The following MTHFS variants were observed in gnomAD, a reference collection of about 807,000 sequenced individuals.
The protein encoded by MTHFS is methenyltetrahydrofolate synthetase, also known as 5-formyltetrahydrofolate cyclo-ligase.
Under a neutral mutation model 12.7 loss-of-function variants are expected in MTHFS, and 7 were observed. The observed-to-expected ratio is 0.55, with a 90% confidence interval of 0.31 to 1.03. MTHFS has a LOEUF of 1.03. Among genes scored for constraint, MTHFS ranks in the 50% least tolerant of loss-of-function variants. MTHFS has a pLI of 0.05. For synonymous variants in MTHFS, 100 were observed against 97.1 expected, an observed-to-expected ratio of 1.03 and a Z score of -0.18; for missense variants, 252 against 258.1, an observed-to-expected ratio of 0.98 and a Z score of 0.16.
intron 2 of MTHFS, among the ~76,000 whole-genome samples, chr15:79,869,291 G>C (rs758631530): frequency 1.1e-4 from 17 of 152,166 alleles, no homozygotes; most frequent in Non-Finnish European, 1.5e-4. Context: ...CCAGTCTGAA[G>C]AATCAGTGCA....
intron 2 of MTHFS, among the ~76,000 whole-genome samples, chr15:79,875,240 G>A (rs28857207): frequency 0.041 from 6,208 of 150,528 alleles, 370 homozygotes; most frequent in East Asian, 0.26. Context: ...CGGTCCCTCC[G>A]TTCAGGGTCC....
At chr15:79,884,742 A>C (rs750179878) in intron 2 of MTHFS, among the ~76,000 whole-genome samples, 5 of 152,260 alleles carry the variant, frequency 3.3e-5, no homozygotes, top group African/African-American at 4.8e-5. Flanking sequence ...CATGCTGAAA[A>C]TAAGGAACAG....
In MTHFS at chr15:79,851,110, C is replaced by G. The variant is rs138761465; in HGVS notation, c.380-5668G>C. ...TCCTATCTGCACACCTTTGCTCCTG[C>G]GACATTGTTTTTCATTCCTGTAAGG... On this transcript the variant is annotated intron_variant, in intron 2 of 2. Transcript: ENST00000258874. Among the ~76,000 whole-genome samples the G allele has an allele frequency of 2.8e-3, 426 of 152,228 alleles. 4 individuals are homozygous for G. The East Asian group carries it at 0.035, about 12-fold the overall frequency.
chr15:79,891,214 T>C (rs2034466610), intron 1 of MTHFS, among the ~76,000 whole-genome samples: 3 of 152,164 alleles, frequency 2.0e-5, no homozygotes, highest in Admixed American at 6.5e-5. Context: ...ACTCCTCCCT[T>C]GAAATCCCAA....
Position 79,860,297 on chromosome 15 carries a change from G to A in MTHFS, c.380-14855C>T, listed in dbSNP as rs1292260643. Among the ~76,000 whole-genome samples, 5 of 151,690 alleles carry A rather than the reference G, an allele frequency of 3.3e-5. No homozygotes were observed. In the East Asian group the frequency reaches 9.7e-4, roughly 29 times the overall value. ...TCAGCTACTCGGGAGGCTGAGGCAG[G>A]AGAATGGCGTGAACCCAGGAGGCAG... On this transcript the variant is annotated intron_variant, in intron 2 of 2. Transcript: ENST00000258874.
At chr15:79,861,599 T>C (rs1255455583) in intron 2 of MTHFS, among the ~76,000 whole-genome samples, 3 of 152,240 alleles carry the variant, frequency 2.0e-5, no homozygotes, top group Non-Finnish European at 4.4e-5. Flanking sequence ...GTTGATCCCA[T>C]GGACTTACTT....
chr15:79,865,592 G>A lies in MTHFS; in HGVS notation c.380-20150C>T, dbSNP rs117950728. Among the ~76,000 whole-genome samples, 561 of 152,214 alleles carry A rather than the reference G, an allele frequency of 3.7e-3. 16 individuals carry two copies. In the East Asian group the frequency reaches 0.05, roughly 14 times the overall value. On this transcript the variant is annotated intron_variant, in intron 2 of 2. Coordinates refer to ENST00000258874, the MANE Select transcript of MTHFS (RefSeq NM_006441.4). ...TAAAAAGCAAATCTTGACCCTTCTTGGGCCTCAGACACCTAGTGCAAAGCT... is the reference window on the plus strand; with the variant it reads ...TAAAAAGCAAATCTTGACCCTTCTTAGGCCTCAGACACCTAGTGCAAAGCT...
At chr15:79,867,781 T>C (rs1358841576) in intron 2 of MTHFS, among the ~76,000 whole-genome samples, 1 of 152,184 alleles carries the variant, frequency 6.6e-6, no homozygotes, top group East Asian at 1.9e-4. Flanking sequence ...ATTTTCTAAA[T>C]ATAAAGATGA....
At chr15:79,845,983 A>G (rs905195316) in intron 2 of MTHFS, among the ~76,000 whole-genome samples, 2 of 152,200 alleles carry the variant, frequency 1.3e-5, no homozygotes, top group African/African-American at 4.8e-5. Flanking sequence ...GGGCTTCCCC[A>G]GACTCGTGTG....
At position 79,844,016 on chromosome 15, in the gene MTHFS, A is replaced by G. The variant is rs2033565629; in HGVS notation, c.*1194T>C. Reference sequence around the variant, plus strand: ...CAAAGGGCAGAAGCCTGCAGTGCTCAGTCAGTGTTACAGGAGAATACAGAG... The same window carrying G: ...CAAAGGGCAGAAGCCTGCAGTGCTCGGTCAGTGTTACAGGAGAATACAGAG... On this transcript the variant is annotated 3_prime_UTR_variant, in exon 3 of 3. Transcript: ENST00000258874. The G allele has an allele frequency of 6.6e-6, 1 of 152,288 alleles. No individual in the cohort carries two copies. The highest frequency in any genetic ancestry group is 6.5e-5 in the Admixed American group (1 of 15,282). The allele number at this position is 152,288 out of a possible 1,614,324, so 9.4% of individuals were successfully genotyped here. A position where few individuals can be genotyped will look rare whatever the true frequency, so the allele number is the denominator to read the frequency against.
intron 2 of MTHFS, among the ~76,000 whole-genome samples, chr15:79,855,840 C>T (rs1462044403): frequency 6.6e-6 from 1 of 152,188 alleles, no homozygotes; most frequent in Non-Finnish European, 1.5e-5. Flanking sequence ...CCGCAAAGGA[C>T]ATGATCTCAC....
intron 2 of MTHFS, among the ~76,000 whole-genome samples, chr15:79,859,700 C>A (rs369860705): frequency 6.6e-6 from 1 of 151,770 alleles, no homozygotes; most frequent in African/African-American, 2.4e-5. Context: ...AGCCTGTAAT[C>A]CCAGCTACTC....
intron 2 of MTHFS, among the ~76,000 whole-genome samples, chr15:79,871,494 C>A (rs2034104421): frequency 6.6e-6 from 1 of 151,426 alleles, no homozygotes; most frequent in Admixed American, 6.6e-5. Context: ...CAGAGGGATG[C>A]CCCACAGAAA....
chr15:79,889,024 C>A (rs2034427256), intron 2 of MTHFS, 69 bp downstream of exon 2: 2 of 1,576,342 alleles, frequency 1.3e-6, no homozygotes, highest in Non-Finnish European at 1.7e-6. Flanking sequence ...CTGACCCACA[C>A]ATAACCCGTG....
chr15:79,893,274 G>A (rs2034506445), intron 1 of MTHFS, among the ~76,000 whole-genome samples: 1 of 151,806 alleles, frequency 6.6e-6, no homozygotes, highest in Admixed American at 6.6e-5. Context: ...GTGGCGGCAG[G>A]CGCCTGTAAT....
At chr15:79,889,458 T>TA in intron 1 of MTHFS, 104 bp from the exon 2 acceptor site, 1 of 1,100,862 alleles carries the variant, frequency 9.1e-7, no homozygotes, top group African/African-American at 1.7e-5. Context: ...TCTTTAAATA[T>TA]TAAAAAGAAA....
intron 2 of MTHFS, among the ~76,000 whole-genome samples, chr15:79,868,736 GGTT>G (rs1164737650): frequency 6.6e-6 from 1 of 152,230 alleles, no homozygotes; most frequent in Admixed American, 6.5e-5. Context: ...AGGCTCCCCT[GGTT>G]CTCAGTCCTT....
At chr15:79,886,857 T>C (rs990585186) in intron 2 of MTHFS, among the ~76,000 whole-genome samples, 2 of 152,220 alleles carry the variant, frequency 1.3e-5, no homozygotes, top group African/African-American at 4.8e-5. Context: ...GTAATGAGTT[T>C]ATCTTATAAT....
intron 2 of MTHFS, among the ~76,000 whole-genome samples, chr15:79,857,464 C>T (rs987292588): frequency 6.6e-6 from 1 of 152,152 alleles, no homozygotes; most frequent in Non-Finnish European, 1.5e-5. Context: ...AATAAAATTA[C>T]ACAGTACATT....
Sources: allele counts gnomAD v4.1 joint callset (sites outside exome capture counted in the v4.1 genomes callset), GRCh38; gene constraint gnomAD v4.1.1; transcripts MANE v1.5; gene names NCBI Gene and HGNC (gene_info 2026-07-23, HGNC 2026-07-21).